The following IL1RAPL1 variants were observed in gnomAD, a reference collection of about 807,000 sequenced individuals.
IL1RAPL1 encodes interleukin-1 receptor accessory protein-like 1.
IL1RAPL1 carries 3 observed loss-of-function variants against 48.4 expected under a neutral mutation model. That is an observed-to-expected ratio of 0.06 (90% CI 0.03 to 0.16). The LOEUF is 0.16. Among genes scored for constraint, IL1RAPL1 ranks in the 10% least tolerant of loss-of-function variants. The pLI is 1.00. For synonymous variants in IL1RAPL1, 185 were observed against 187.7 expected, an observed-to-expected ratio of 0.99 and a Z score of 0.12; for missense variants, 349 against 530.6, an observed-to-expected ratio of 0.66 and a Z score of 3.36.
intron 2 of IL1RAPL1, among the ~76,000 whole-genome samples, chrX:29,167,280 T>TCCCTTCCCATTCCGCTTCCCCTTC (rs1446248966): frequency 9.1e-6 from 1 of 110,037 alleles, no homozygotes; most frequent in East Asian, 2.8e-4. Context: ...GAATATGTAC[T>TCCCTTCCCATTCCGCTTCCCCTTC]CCCTTCCCAT....
chrX:28,656,612 G>A (rs765489836), intron 1 of IL1RAPL1, among the ~76,000 whole-genome samples: 78 of 111,487 alleles, frequency 7.0e-4, no homozygotes, highest in African/African-American at 2.4e-3. Flanking sequence ...TATTTCCTGC[G>A]TGTCCTTCAC....
chrX:29,171,711 T>G (rs1281451591), intron 2 of IL1RAPL1, among the ~76,000 whole-genome samples: 1 of 112,082 alleles, frequency 8.9e-6, no homozygotes, highest in African/African-American at 3.2e-5. Flanking sequence ...AATCAGTAAT[T>G]TATTAGGCAT....
intron 5 of IL1RAPL1, among the ~76,000 whole-genome samples, chrX:29,573,754 T>G (rs999817417): frequency 8.9e-6 from 1 of 112,502 alleles, no homozygotes; most frequent in Admixed American, 9.4e-5. Flanking sequence ...GTTGGTGTGT[T>G]AACAAAATCA....
chrX:29,405,049 A>G (rs5971959), intron 5 of IL1RAPL1, among the ~76,000 whole-genome samples: 51,120 of 107,723 alleles, frequency 0.47, 9,098 homozygotes, highest in Middle Eastern at 0.57. Flanking sequence ...GAGTAGCTGG[A>G]ATTACAGACA....
intron 5 of IL1RAPL1, among the ~76,000 whole-genome samples, chrX:29,496,213 A>G (rs1935211307): frequency 9.0e-6 from 1 of 111,565 alleles, no homozygotes; most frequent in Non-Finnish European, 1.9e-5. Context: ...GTAAAAATGT[A>G]TTTTTTTCTC....
chrX:28,665,064 A>G (rs1934861124), intron 1 of IL1RAPL1, among the ~76,000 whole-genome samples: 1 of 112,024 alleles, frequency 8.9e-6, no homozygotes, highest in Non-Finnish European at 1.9e-5. Context: ...AATATTTCCA[A>G]TAAATTTTTA....
intron 3 of IL1RAPL1, among the ~76,000 whole-genome samples, chrX:29,339,576 A>G (rs1327149187): frequency 1.8e-5 from 2 of 112,146 alleles, no homozygotes; most frequent in Admixed American, 9.5e-5. Flanking sequence ...TTAAAGAACT[A>G]TTCTAGATAT....
At chrX:28,842,881 G>C (rs1000957629) in intron 2 of IL1RAPL1, among the ~76,000 whole-genome samples, 1 of 111,087 alleles carries the variant, frequency 9.0e-6, no homozygotes, top group Non-Finnish European at 1.9e-5. Context: ...GTATGGCTCT[G>C]TTTCAAGATT....
chrX:29,591,033 A>C (rs1391893115), intron 5 of IL1RAPL1, among the ~76,000 whole-genome samples: 1 of 112,287 alleles, frequency 8.9e-6, no homozygotes, highest in African/African-American at 3.2e-5. Flanking sequence ...CGAGGCATGC[A>C]CCGTAGGGTA....
chrX:29,652,749 A>G, intron 5 of IL1RAPL1, among the ~76,000 whole-genome samples: 1 of 111,975 alleles, frequency 8.9e-6, no homozygotes, highest in East Asian at 2.8e-4. Context: ...AACCACAGAT[A>G]CATAAGGGAG....
Position 29,782,108 on chromosome X carries a change from A to G in IL1RAPL1, c.778+113604A>G, listed in dbSNP as rs190829547. 4.9e-3 allele frequency among the ~76,000 whole-genome samples: 521 copies of G among 105,574 alleles called. 4 individuals carry two copies. The highest frequency in any genetic ancestry group is 0.018 in the African/African-American group (500 of 28,360). 91.7% of individuals were successfully genotyped at this position (105,574 alleles called of 115,157 possible). A position where few individuals can be genotyped will look rare whatever the true frequency, so the allele number is the denominator to read the frequency against. On this transcript the variant is annotated intron_variant, in intron 6 of 10. Transcript: ENST00000378993. ...TGTCTGTCTGTCTGTCTGTCTATCTATCTATCTATCTATCTATCTATCTAT... is the reference window on the plus strand; with the variant it reads ...TGTCTGTCTGTCTGTCTGTCTATCTGTCTATCTATCTATCTATCTATCTAT...
intron 6 of IL1RAPL1, among the ~76,000 whole-genome samples, chrX:29,767,166 A>ATGTT (rs1222573559): frequency 1.8e-5 from 2 of 111,579 alleles, no homozygotes; most frequent in African/African-American, 6.5e-5. Context: ...ATAGTTTCTG[A>ATGTT]TGTTTGTTTG....
intron 2 of IL1RAPL1, among the ~76,000 whole-genome samples, chrX:28,897,007 T>A (rs774423234): frequency 3.4e-4 from 38 of 110,339 alleles, no homozygotes; most frequent in African/African-American, 1.3e-3. Flanking sequence ...AAATAAGGCG[T>A]TTAGGTTTTA....
At position 29,956,105 on chromosome X, in the gene IL1RAPL1, A is replaced by C. The variant is rs1051470630; in HGVS notation, c.*285A>C. On this transcript the variant is annotated 3_prime_UTR_variant, in exon 11 of 11. Coordinates refer to ENST00000378993, the MANE Select transcript of IL1RAPL1 (RefSeq NM_014271.4). ...AAAGAAGAGACTGATGTGTAGATAGAAAACCCTTTTTTTGCTTCATTAGTT... is the reference window on the plus strand; with the variant it reads ...AAAGAAGAGACTGATGTGTAGATAGCAAACCCTTTTTTTGCTTCATTAGTT... 3.1e-6 allele frequency: 1 copy of C among 325,934 alleles called. No individual in the cohort carries two copies. Among genetic ancestry groups the C allele is most frequent in the East Asian group, 5.2e-5 (1 of 19,074 alleles). 26.9% of individuals were successfully genotyped at this position (325,934 alleles called of 1,213,427 possible).
intron 5 of IL1RAPL1, among the ~76,000 whole-genome samples, chrX:29,644,225 C>T (rs771073501): frequency 8.9e-5 from 10 of 112,237 alleles, no homozygotes; most frequent in Non-Finnish European, 1.7e-4. Flanking sequence ...AGTAAAACAG[C>T]TTTGTAGATT....
intron 3 of IL1RAPL1, among the ~76,000 whole-genome samples, chrX:29,323,357 T>C (rs1019091827): frequency 4.5e-5 from 5 of 110,213 alleles, no homozygotes; most frequent in African/African-American, 1.7e-4. Context: ...GTGACTTTTA[T>C]ATTGGTAAAT....
chrX:29,922,850 C>A (rs990441504), intron 8 of IL1RAPL1, among the ~76,000 whole-genome samples: 2 of 111,847 alleles, frequency 1.8e-5, no homozygotes, highest in African/African-American at 3.2e-5. Context: ...ATTTTTCTGC[C>A]ACTTACTCAT....
Position 28,815,531 on chromosome X carries a change from A to G in IL1RAPL1, c.82+26106A>G, listed in dbSNP as rs566454354. 1.5e-3 allele frequency among the ~76,000 whole-genome samples: 157 copies of G among 107,671 alleles called. 2 individuals are homozygous for G. Among genetic ancestry groups the G allele is most frequent in the South Asian group, 6.4e-3 (16 of 2,481 alleles). The allele number at this position is 107,671 out of a possible 115,157, so 93.5% of individuals were successfully genotyped here. On this transcript the variant is annotated intron_variant, in intron 2 of 10. Transcript: ENST00000378993. ...TAATGTTAACTGTAGTCACCCTACT[A>G]ATTTATCAAACACCAGGCCTTATTT...
In IL1RAPL1 at chrX:29,409,877, C is replaced by T. The variant is rs368636166; in HGVS notation, c.703+10569C>T. 4.2e-4 allele frequency among the ~76,000 whole-genome samples: 40 copies of T among 94,219 alleles called. No homozygotes were observed. The East Asian group carries it at 0.011, about 26-fold the overall frequency. 81.8% of individuals were successfully genotyped at this position (94,219 alleles called of 115,157 possible). ...CACTCTTGTTGCCCAGGCTGGAGTA[C>T]AATGGCACGATATCGGCTCACCACA... On this transcript the variant is annotated intron_variant, in intron 5 of 10. Coordinates refer to ENST00000378993, the MANE Select transcript of IL1RAPL1 (RefSeq NM_014271.4).
Sources: allele counts gnomAD v4.1 joint callset (sites outside exome capture counted in the v4.1 genomes callset), GRCh38; gene constraint gnomAD v4.1.1; transcripts MANE v1.5; gene names NCBI Gene and HGNC (gene_info 2026-07-23, HGNC 2026-07-21).